ROS1: variants seen among roughly 807,000 people sequenced by gnomAD.
The protein encoded by ROS1 is ROS proto-oncogene 1, receptor tyrosine kinase.
In ROS1, 263 loss-of-function variants were observed where a neutral mutation model predicts 273.5. The observed-to-expected ratio is 0.96, with a 90% confidence interval of 0.87 to 1.06. ROS1 has a LOEUF of 1.06. Among genes scored for constraint, ROS1 ranks in the 50% least tolerant of loss-of-function variants. The probability of loss-of-function intolerance (pLI) is 0.00; values close to 1 mark genes in which losing one functional copy is unlikely to be tolerated. For missense variants in ROS1, 2,833 were observed against 2,751.1 expected (o/e 1.03, Z -0.67); for synonymous variants, 1,008 against 954.1 (o/e 1.06, Z -1.04).
intron 43 of ROS1, among the ~76,000 whole-genome samples, chr6:117,290,234 G>A (rs1384812398): frequency 2.0e-5 from 3 of 151,998 alleles, no homozygotes; most frequent in South Asian, 2.1e-4. Context: ...TTTATATGAG[G>A]CAAATAAATT....
rs374240159 is a variant in ROS1 at position 117,362,387 on chromosome 6, AG to A, written c.3366+215del. 3.1e-3 allele frequency among the ~76,000 whole-genome samples: 476 copies of A among 152,208 alleles called. 2 individuals carry two copies. Among genetic ancestry groups the A allele is most frequent in the African/African-American group, 0.011 (453 of 41,532 alleles). ...GAATTCCTGCATATTAATCCTCAAA[AG>A]GTCCACTTTCCATTTCTTTAACAGT... On this transcript the variant is annotated intron_variant, in intron 22 of 43. Coordinates refer to ENST00000368507, the MANE Select transcript of ROS1 (RefSeq NM_001378902.1).
At chr6:117,372,465 C>T (rs906213037) in intron 18 of ROS1, among the ~76,000 whole-genome samples, 3 of 152,206 alleles carry the variant, frequency 2.0e-5, no homozygotes, top group African/African-American at 4.8e-5. Context: ...GGTTCTTTTT[C>T]TGACTGACTT....
chr6:117,405,983 C>T (rs966609082), intron 5 of ROS1, among the ~76,000 whole-genome samples: 1 of 152,004 alleles, frequency 6.6e-6, no homozygotes, highest in African/African-American at 2.4e-5. Flanking sequence ...CTCATAAATG[C>T]CTAATAAAAA....
At chr6:117,310,380 A>ATTTTT in intron 40 of ROS1, 99 bp from the exon 41 acceptor site, 8 of 681,152 alleles carry the variant, frequency 1.2e-5, no homozygotes, top group Non-Finnish European at 1.6e-5. Context: ...AAGAGAAACT[A>ATTTTT]TTTTTTTTTT....
At chr6:117,339,339 T>C (rs1777733984) in intron 31 of ROS1, among the ~76,000 whole-genome samples, 1 of 152,176 alleles carries the variant, frequency 6.6e-6, no homozygotes, top group South Asian at 2.1e-4. Context: ...AAACTTCATC[T>C]TGTGCTCTAG....
chr6:117,386,053 G>A (rs548509969), intron 15 of ROS1, among the ~76,000 whole-genome samples, 192 bp from the exon 16 acceptor site: 4 of 152,336 alleles, frequency 2.6e-5, no homozygotes, highest in African/African-American at 9.6e-5. Flanking sequence ...AGGGAGAACA[G>A]TGGATACACA....
rs376562498 is a variant in ROS1 at position 117,310,987 on chromosome 6, C to T, written c.6215+33G>A. ...TACAGGTGATTATTGTGCCAATATC[C>T]GTAATAACCCTGTATCCAGAAGAGA... On this transcript the variant is annotated intron_variant, in intron 40 of 43. Transcript: ENST00000368507. 9.7e-5 allele frequency: 132 copies of T among 1,360,626 alleles called. No homozygotes were observed. In the Admixed American group the frequency reaches 2.0e-3, roughly 20 times the overall value. The allele number at this position is 1,360,626 out of a possible 1,614,324, so 84.3% of individuals were successfully genotyped here.
intron 5 of ROS1, among the ~76,000 whole-genome samples, chr6:117,406,489 A>G (rs903317048): frequency 6.6e-6 from 1 of 152,216 alleles, no homozygotes; most frequent in East Asian, 1.9e-4. Flanking sequence ...TTAGTGGTAC[A>G]TAGACATTGA....
Position 117,416,321 on chromosome 6 carries a change from C to G in ROS1, c.169-4G>C, listed in dbSNP as rs78713785. On this transcript the variant is annotated splice_region_variant and splice_polypyrimidine_tract_variant and intron_variant, in intron 2 of 43. Transcript: ENST00000368507. The stretch of plus-strand genomic sequence containing the variant: ...AAAAGTGACATCCTTGGATACACTG[C>G]AAGAGACAATAACAGACAATGGTGA... 2 of 1,593,110 alleles carry G rather than the reference C, an allele frequency of 1.3e-6. No individual in the cohort carries two copies. Among genetic ancestry groups the G allele is most frequent in the Admixed American group, 1.7e-5 (1 of 59,892 alleles).
In ROS1 at chr6:117,359,806, T is replaced by C; in HGVS notation, c.3633+3A>G. On this transcript the variant is annotated splice_donor_region_variant and intron_variant, in intron 24 of 43. Transcript: ENST00000368507. The stretch of plus-strand genomic sequence containing the variant: ...ATTTCGGAAGAATTACATAGTGAAA[T>C]ACCTCAGAGCTAGAGCGATTGTGCA... 6.2e-7 allele frequency: 1 copy of C among 1,611,340 alleles called. No individual in the cohort carries two copies. Among genetic ancestry groups the C allele is most frequent in the Non-Finnish European group, 8.5e-7 (1 of 1,177,732 alleles).
intron 32 of ROS1, among the ~76,000 whole-genome samples, chr6:117,335,452 C>A (rs898020993): frequency 3.9e-5 from 6 of 152,088 alleles, no homozygotes; most frequent in Admixed American, 3.9e-4. Context: ...GGATCTAGAA[C>A]CAGAAATAAC....
At chr6:117,365,518 C>A in intron 20 of ROS1, 63 bp downstream of exon 20, 1 of 1,400,022 alleles carries the variant, frequency 7.1e-7, no homozygotes, top group South Asian at 1.2e-5. Flanking sequence ...TCAGTGTGGG[C>A]AAGGCTGACA....
Position 117,317,217 on chromosome 6 carries a change from G to C in ROS1, c.6043C>G (p.Pro2015Ala), listed in dbSNP as rs762511151. 6.2e-7 allele frequency: 1 copy of C among 1,613,282 alleles called. No homozygotes were observed. Among genetic ancestry groups the C allele is most frequent in the Admixed American group, 1.7e-5 (1 of 59,868 alleles). Residue 2015 changes from proline to alanine, a missense_variant, in exon 39 of 44, where the codon CCC (proline) becomes GCC (alanine). By Grantham distance (27) the Pro-to-Ala change is conservative (BLOSUM62 -1). Coordinates refer to ENST00000368507, the MANE Select transcript of ROS1 (RefSeq NM_001378902.1). ...KQLGVCLLNEPQYIILELMEG... is the reference protein window; with the variant it reads ...KQLGVCLLNEAQYIILELMEG... ...ATCAGTTCCAGGATAATGTATTGGG[G>C]TTCATTCAGCAGACAAACTCCAAGC...
At chr6:117,339,280 C>T (rs1325875154) in intron 31 of ROS1, among the ~76,000 whole-genome samples, 1 of 152,084 alleles carries the variant, frequency 6.6e-6, no homozygotes, top group Admixed American at 6.6e-5. Context: ...ACAGTTGTTT[C>T]AGTATGGCCC....
chr6:117,340,152 GGT>G (rs1777815038), intron 31 of ROS1, among the ~76,000 whole-genome samples: 1 of 152,056 alleles, frequency 6.6e-6, no homozygotes, highest in Admixed American at 6.6e-5. Flanking sequence ...ATTTTTATAA[GGT>G]GGCAATTTTT....
chr6:117,383,393 T>G lies in ROS1; in HGVS notation c.2405A>C (p.Tyr802Ser). Residue 802 changes from tyrosine (Y) to serine (S), a missense_variant, in exon 17 of 44, where the codon TAT (tyrosine) becomes TCT (serine). Transcript: ENST00000368507. ...ATTTAGTCTGGTGCTTTCCACTGAA[T>G]AGAGTGTGGTCCAGTAGAGATATCC... ...VGGYLYWTTL[Y>S]SVESTRLNGE... 1 of 1,614,050 alleles carries G rather than the reference T, an allele frequency of 6.2e-7. No homozygotes were observed. Among genetic ancestry groups the G allele is most frequent in the East Asian group, 2.2e-5 (1 of 44,884 alleles).
At chr6:117,404,793 A>C (rs940856901) in intron 5 of ROS1, among the ~76,000 whole-genome samples, 1 of 152,346 alleles carries the variant, frequency 6.6e-6, no homozygotes, top group Admixed American at 6.5e-5. Flanking sequence ...CAACAGAACC[A>C]TCCATTATCC....
intron 43 of ROS1, among the ~76,000 whole-genome samples, chr6:117,289,966 A>G (rs1038930196): frequency 1.3e-5 from 2 of 152,178 alleles, no homozygotes; most frequent in Non-Finnish European, 2.9e-5. Context: ...AAAAAATAAG[A>G]TATTTAACTT....
intron 36 of ROS1, among the ~76,000 whole-genome samples, 189 bp from the exon 37 acceptor site, chr6:117,320,219 C>A (rs1006504961): frequency 6.6e-6 from 1 of 152,052 alleles, no homozygotes; most frequent in Non-Finnish European, 1.5e-5. Context: ...ATTCTACAAC[C>A]TTTTACCCAG....
Sources: gnomAD v4.1 joint callset for allele counts (sites outside exome capture counted in the v4.1 genomes callset) on GRCh38, gnomAD v4.1.1 for gene constraint, MANE v1.5 for transcripts, NCBI Gene and HGNC (gene_info 2026-07-23, HGNC 2026-07-21) for gene names.